The following LARGE1 variants were observed in gnomAD, a reference collection of about 807,000 sequenced individuals.
LARGE1 encodes the protein LARGE xylosyl- and glucuronyltransferase 1, also known as xylosyl- and glucuronyltransferase LARGE1.
A neutral mutation model predicts 87.6 loss-of-function variants in LARGE1; 43 were observed. That is an observed-to-expected ratio of 0.49 (90% CI 0.38 to 0.63). LARGE1 has a LOEUF of 0.63. LARGE1 is among the 30% of genes least tolerant of loss of function. The pLI, the probability that LARGE1 is intolerant of heterozygous loss-of-function variation, is 0.00. For missense variants in LARGE1, 802 were observed against 1,000.2 expected (o/e 0.80, Z 2.67); for synonymous variants, 434 against 394.6 (o/e 1.10, Z -1.18).
chr22:33,368,241 A>G (rs1197294665), intron 9 of LARGE1, among the ~76,000 whole-genome samples: 1 of 152,114 alleles, frequency 6.6e-6, no homozygotes, highest in Non-Finnish European at 1.5e-5. Flanking sequence ...CATTTGAAAA[A>G]AAATATGGGC....
chr22:33,504,065 C>T (rs981256003), intron 6 of LARGE1, among the ~76,000 whole-genome samples: 6 of 152,146 alleles, frequency 3.9e-5, no homozygotes, highest in Non-Finnish European at 7.3e-5. Context: ...GAAGTGCTTA[C>T]AATGGGCAGT....
intron 1 of LARGE1, among the ~76,000 whole-genome samples, chr22:33,794,825 G>A (rs1342269812): frequency 6.6e-6 from 1 of 152,032 alleles, no homozygotes; most frequent in Non-Finnish European, 1.5e-5. Context: ...TCACTATATT[G>A]GCCAGGCTGA....
At chr22:33,862,810 T>C (rs1165859402) in intron 1 of LARGE1, among the ~76,000 whole-genome samples, 2 of 152,162 alleles carry the variant, frequency 1.3e-5, no homozygotes, top group Non-Finnish European at 2.9e-5. Context: ...GGGCAGTCCA[T>C]GGTCAAAATT....
At chr22:33,599,329 G>C (rs2079057257) in intron 5 of LARGE1, among the ~76,000 whole-genome samples, 1 of 152,138 alleles carries the variant, frequency 6.6e-6, no homozygotes, top group South Asian at 2.1e-4. Flanking sequence ...AGAGATGAGT[G>C]ACAGCACGCA....
At chr22:33,398,586 G>C (rs1340374010) in intron 7 of LARGE1, among the ~76,000 whole-genome samples, 1 of 152,176 alleles carries the variant, frequency 6.6e-6, no homozygotes, top group Non-Finnish European at 1.5e-5. Context: ...AAAAAGTTGA[G>C]GAAAAGTGTT....
At chr22:33,136,942 A>AAAAAAT in the LARGE1 span, among the ~76,000 whole-genome samples, 1 of 152,120 alleles carries the variant, frequency 6.6e-6, no homozygotes, top group African/African-American at 2.4e-5. Flanking sequence ...GGTAAAAAAA[A>AAAAAAT]AAATAAACTG....
At chr22:33,165,495 C>T (rs2146122738) in exon 12 of LARGE1, 1 of 152,300 alleles carries the variant, frequency 6.6e-6, no homozygotes, top group South Asian at 2.1e-4. Context: ...AGTTTGATTC[C>T]TCATCTGTGA....
In LARGE1 at chr22:33,247,047, A is replaced by ATGTGTG. The variant is rs10532057; in HGVS notation, c.1730+57176_1730+57181dup. On this transcript the variant is annotated intron_variant, in intron 11 of 11. Coordinates refer to the LARGE1 transcript ENST00000608642. ...TTACTATGAGAGAACTGCAGCCAGTATGTGTGTGTGTGTGTGTGTGTGTGT... is the reference window on the plus strand; with the variant it reads ...TTACTATGAGAGAACTGCAGCCAGTATGTGTGTGTGTGTGTGTGTGTGTGTGTGTGT... 1.8e-3 allele frequency among the ~76,000 whole-genome samples: 256 copies of ATGTGTG among 146,276 alleles called. 2 individuals are homozygous for ATGTGTG. Among genetic ancestry groups the ATGTGTG allele is most frequent in the Middle Eastern group, 7.0e-3 (2 of 284 alleles).
intron 6 of LARGE1, among the ~76,000 whole-genome samples, chr22:33,532,654 T>C (rs1484867190): frequency 6.6e-6 from 1 of 152,206 alleles, no homozygotes; most frequent in Non-Finnish European, 1.5e-5. Context: ...ATCATCATCA[T>C]CCATGCTTAA....
intron 7 of LARGE1, among the ~76,000 whole-genome samples, chr22:33,417,492 C>A (rs1036057667): frequency 2.0e-5 from 3 of 152,230 alleles, no homozygotes; most frequent in Non-Finnish European, 4.4e-5. Flanking sequence ...AGATCTTACT[C>A]TCATGGAACT....
intron 5 of LARGE1, among the ~76,000 whole-genome samples, chr22:33,566,700 A>G (rs1478333036): frequency 6.6e-6 from 1 of 152,162 alleles, no homozygotes; most frequent in Non-Finnish European, 1.5e-5. Flanking sequence ...CCCTGCCCAC[A>G]TCCTGCTGAT....
chr22:33,871,001 G>T (rs2064262417), intron 1 of LARGE1, among the ~76,000 whole-genome samples: 1 of 152,208 alleles, frequency 6.6e-6, no homozygotes, highest in Admixed American at 6.5e-5. Context: ...ACTATAACCA[G>T]AACAGTGTCT....
chr22:33,135,159 G>A, the LARGE1 span, among the ~76,000 whole-genome samples: 2 of 152,198 alleles, frequency 1.3e-5, no homozygotes, highest in African/African-American at 4.8e-5. Flanking sequence ...TGTAGAACAG[G>A]CCTGCAGAAG....
At position 33,379,539 on chromosome 22, in the gene LARGE1, A is replaced by C. The variant is rs189793322; in HGVS notation, c.1131+2380T>G. 9.7e-4 allele frequency among the ~76,000 whole-genome samples: 148 copies of C among 152,278 alleles called. 1 individual carries two copies. The highest frequency in any genetic ancestry group is 7.3e-3 in the Admixed American group (111 of 15,296). ...TGCGGCACTATTCACAATAGCAAAG[A>C]CTTGGAACCAACCCAAATGTCCATC... On this transcript the variant is annotated intron_variant, in intron 9 of 14. Transcript: ENST00000397394.
chr22:33,214,227 G>A (rs1925098004), intron 11 of LARGE1, among the ~76,000 whole-genome samples: 1 of 151,862 alleles, frequency 6.6e-6, no homozygotes, highest in South Asian at 2.1e-4. Context: ...CTTTCTTCTG[G>A]GGTCTCTCTT....
rs138096649 is a variant in LARGE1, at chr22:33,284,844, G to A, written c.1731-1496C>T. 9.1e-3 allele frequency among the ~76,000 whole-genome samples: 1,387 copies of A among 152,254 alleles called. 18 individuals carry two copies. Among genetic ancestry groups the A allele is most frequent in the African/African-American group, 0.031 (1,298 of 41,536 alleles). On this transcript the variant is annotated intron_variant, in intron 12 of 14. Transcript: ENST00000397394. ...CCCGCCTTGGCCTCCCAAAGTGCTG[G>A]GATTACAGGTGTGCACCACTGCGCC...
chr22:33,274,931 T>C (rs921312346), intron 14 of LARGE1, among the ~76,000 whole-genome samples: 7 of 152,308 alleles, frequency 4.6e-5, no homozygotes, highest in East Asian at 3.9e-4. Context: ...GCCGAGCTCA[T>C]GGCCTAGAAA....
At chr22:33,176,475 C>T (rs755029553) in intron 11 of LARGE1, among the ~76,000 whole-genome samples, 2 of 152,116 alleles carry the variant, frequency 1.3e-5, no homozygotes, top group Non-Finnish European at 2.9e-5. Context: ...AACCAAACAA[C>T]CCCATCAAAA....
At chr22:33,739,535 C>T (rs1238558916) in intron 2 of LARGE1, among the ~76,000 whole-genome samples, 1 of 152,178 alleles carries the variant, frequency 6.6e-6, no homozygotes. Flanking sequence ...TATTTTTCCC[C>T]TTCTCTCCCT....
Sources: allele counts gnomAD v4.1 joint callset (sites outside exome capture counted in the v4.1 genomes callset), GRCh38; gene constraint gnomAD v4.1.1; transcripts MANE v1.5; gene names NCBI Gene and HGNC (gene_info 2026-07-23, HGNC 2026-07-21).